The following ADAM10 variants were observed in gnomAD, a reference collection of about 807,000 sequenced individuals.
ADAM10 encodes disintegrin and metalloproteinase domain-containing protein 10.
A neutral mutation model predicts 90.1 loss-of-function variants in ADAM10; 17 were observed. The observed-to-expected ratio is 0.19, with a 90% CI of 0.13 to 0.28. ADAM10 has a LOEUF of 0.28. ADAM10 is among the 10% of genes least tolerant of loss of function. The probability of loss-of-function intolerance (pLI) is 1.00; values close to 1 mark genes in which losing one functional copy is unlikely to be tolerated. For synonymous variants in ADAM10, 310 were observed against 298.6 expected, an observed-to-expected ratio of 1.04 and a Z score of -0.40; for missense variants, 610 against 914.3, an observed-to-expected ratio of 0.67 and a Z score of 4.29.
intron 5 of ADAM10, among the ~76,000 whole-genome samples, chr15:58,652,192 G>C (rs1396141151): frequency 6.6e-6 from 1 of 151,954 alleles, no homozygotes. Flanking sequence ...CCCATTCTAT[G>C]GGTTGTCTCC....
intron 1 of ADAM10, among the ~76,000 whole-genome samples, chr15:58,721,770 G>A (rs757297610): frequency 7.9e-5 from 12 of 152,198 alleles, no homozygotes; most frequent in Non-Finnish European, 1.3e-4. Context: ...GTTCACACCT[G>A]TAGTCCCAGC....
At chr15:58,652,820 G>C (rs1299480302) in intron 5 of ADAM10, among the ~76,000 whole-genome samples, 26 of 152,144 alleles carry the variant, frequency 1.7e-4, no homozygotes, top group African/African-American at 5.8e-4. Context: ...TTGTAATTAT[G>C]GACATTTTAA....
At chr15:58,694,027 C>T (rs552589779) in intron 2 of ADAM10, among the ~76,000 whole-genome samples, 2 of 152,286 alleles carry the variant, frequency 1.3e-5, no homozygotes, top group East Asian at 1.9e-4. Context: ...ATCACATACC[C>T]TTTGCTAGAA....
At chr15:58,639,897 A>T (rs7180286) in intron 8 of ADAM10, among the ~76,000 whole-genome samples, 35,863 of 117,130 alleles carry the variant, frequency 0.31, 5,040 homozygotes, top group East Asian at 0.59. Flanking sequence ...AGTTTTTTTT[A>T]AAAAAAAAAA....
At chr15:58,655,718 T>TATATACTATATATC (rs1896805356) in intron 5 of ADAM10, among the ~76,000 whole-genome samples, 1 of 72,112 alleles carries the variant, frequency 1.4e-5, no homozygotes, top group South Asian at 4.1e-4. Flanking sequence ...ATAGTATATA[T>TATATACTATATATC]ATATATATAT....
intron 5 of ADAM10, among the ~76,000 whole-genome samples, chr15:58,655,725 A>AC (rs1428338178): frequency 1.0e-5 from 1 of 97,268 alleles, no homozygotes; most frequent in Non-Finnish European, 2.1e-5. Flanking sequence ...ATATATATAT[A>AC]TATATATATA....
rs1894924002 is a variant in ADAM10 at position 58,595,373 on chromosome 15, A to G, written c.*2174T>C. ...CTTCTTGTGATAGTTCTCAGAGTTC[A>G]AAGAGTATAGAACCTTCAAGTTGAT... On this transcript the variant is annotated 3_prime_UTR_variant, in exon 16 of 16. Coordinates refer to ENST00000260408, the MANE Select transcript of ADAM10 (RefSeq NM_001110.4). The G allele has an allele frequency of 6.6e-6, 1 of 152,186 alleles. No individual in the cohort carries two copies. The highest frequency in any genetic ancestry group is 2.4e-5 in the African/African-American group (1 of 41,464). The allele number at this position is 152,186 out of a possible 1,614,324, so 9.4% of individuals were successfully genotyped here. A position where few individuals can be genotyped will look rare whatever the true frequency, so the allele number is the denominator to read the frequency against.
intron 4 of ADAM10, among the ~76,000 whole-genome samples, chr15:58,670,033 T>C (rs1345521466): frequency 1.3e-5 from 2 of 152,018 alleles, no homozygotes; most frequent in African/African-American, 4.8e-5. Context: ...GCTATGATAG[T>C]TTCACAGACA....
At position 58,727,210 on chromosome 15, in the gene ADAM10, A is replaced by C. The variant is rs2470088; in HGVS notation, c.56-9483T>G. Among the ~76,000 whole-genome samples the C allele has an allele frequency of 1.7e-5, 2 of 114,728 alleles. 1 individual carries two copies. Among genetic ancestry groups the C allele is most frequent in the African/African-American group, 6.8e-5 (2 of 29,534 alleles). 75.3% of individuals were successfully genotyped at this position (114,728 alleles called of 152,430 possible). The stretch of plus-strand genomic sequence containing the variant: ...TTTTTTTTTTTTTTTTTTTTTCCCA[A>C]AAACAGCGTTTCGCTCGTTGCCCAG... On this transcript the variant is annotated intron_variant, in intron 1 of 15. Transcript: ENST00000260408.
Position 58,590,999 on chromosome 15 carries a change from G to C in ADAM10, c.*6548C>G, listed in dbSNP as rs752148367. The C allele has an allele frequency of 6.6e-6, 1 of 152,154 alleles. No individual in the cohort carries two copies. The highest frequency in any genetic ancestry group is 1.5e-5 in the Non-Finnish European group (1 of 68,018). 9.4% of individuals were successfully genotyped at this position (152,154 alleles called of 1,614,324 possible). Reference sequence around the variant, plus strand: ...ATCATTTAAACAAGAGAGGGCAGAAGAATCTAGTTTATTGTAGTGAGCTAC... The same window carrying C: ...ATCATTTAAACAAGAGAGGGCAGAACAATCTAGTTTATTGTAGTGAGCTAC... On this transcript the variant is annotated 3_prime_UTR_variant, in exon 16 of 16. Transcript: ENST00000260408.
chr15:58,687,756 T>C (rs8032756), intron 2 of ADAM10, among the ~76,000 whole-genome samples: 3,637 of 152,228 alleles, frequency 0.024, 158 homozygotes, highest in African/African-American at 0.083. Context: ...ACACAACAAT[T>C]TGTACAAACT....
chr15:58,611,076 C>A lies in ADAM10; in HGVS notation c.1727G>T (p.Gly576Val). The A allele has an allele frequency of 6.2e-7, 1 of 1,613,798 alleles. No homozygotes were observed. Among genetic ancestry groups the A allele is most frequent in the Non-Finnish European group, 8.5e-7 (1 of 1,179,770 alleles). Residue 576 changes from glycine to valine, a missense_variant, in exon 13 of 16, where the codon GGC (glycine) becomes GTC (valine). By Grantham distance (109) the Gly-to-Val change is moderately radical. This residue lies in a region of ADAM10 where 150 missense variants were observed against 268.5 expected (regional missense o/e 0.56). Coordinates refer to ENST00000260408, the MANE Select transcript of ADAM10 (RefSeq NM_001110.4). ...QCAGSICEKYGLEECTCASSD... is the reference protein window; with the variant it reads ...QCAGSICEKYVLEECTCASSD... ...ACTGGCACACGTACACTCCTCTAAG[C>A]CATATTTCTCACAGATAGAACCTGC...
chr15:58,704,488 C>A (rs1391688393), intron 2 of ADAM10, among the ~76,000 whole-genome samples: 4 of 152,114 alleles, frequency 2.6e-5, no homozygotes, highest in African/African-American at 9.7e-5. Flanking sequence ...AGAGAGGAAA[C>A]CACAGGGCAA....
At chr15:58,639,079 GAA>G (rs77792505) in intron 8 of ADAM10, among the ~76,000 whole-genome samples, 1 of 152,070 alleles carries the variant, frequency 6.6e-6, no homozygotes, top group African/African-American at 2.4e-5. Context: ...CAAAATGGCA[GAA>G]AGTTTTTAGT....
At chr15:58,601,464 T>C (rs1041092814) in intron 14 of ADAM10, among the ~76,000 whole-genome samples, 5 of 152,118 alleles carry the variant, frequency 3.3e-5, no homozygotes, top group Middle Eastern at 3.4e-3. Flanking sequence ...CCACCTCAAA[T>C]AAACAAACAA....
chr15:58,741,994 C>G (rs557116612), intron 1 of ADAM10, among the ~76,000 whole-genome samples: 1 of 152,190 alleles, frequency 6.6e-6, no homozygotes, highest in African/African-American at 2.4e-5. Context: ...AAGCCTTCCC[C>G]GCTTGCTGAT....
At chr15:58,690,279 T>C (rs377258864) in intron 2 of ADAM10, among the ~76,000 whole-genome samples, 63 of 152,262 alleles carry the variant, frequency 4.1e-4, no homozygotes, top group African/African-American at 1.5e-3. Flanking sequence ...GTTAACATCA[T>C]ACTTAAAGAT....
intron 2 of ADAM10, among the ~76,000 whole-genome samples, chr15:58,704,697 A>G (rs1421366354): frequency 6.6e-6 from 1 of 152,206 alleles, no homozygotes; most frequent in African/African-American, 2.4e-5. Context: ...TGAGATTACA[A>G]CATTCTTCTT....
intron 2 of ADAM10, chr15:58,698,352 G>A (rs545183472): frequency 7.3e-5 from 31 of 421,792 alleles, no homozygotes; most frequent in African/African-American, 3.0e-4. Context: ...CAGGTGGATC[G>A]TTTCAACCCA....
Sources: gnomAD v4.1 joint callset for allele counts (sites outside exome capture counted in the v4.1 genomes callset) on GRCh38, gnomAD v4.1.1 for gene constraint, gnomAD v4.1.1 regional missense constraint, MANE v1.5 for transcripts, NCBI Gene and HGNC (gene_info 2026-07-23, HGNC 2026-07-21) for gene names.